SAMD5: variants seen among roughly 807,000 people sequenced by gnomAD.
SAMD5 encodes sterile alpha motif domain-containing protein 5.
In SAMD5, 13 loss-of-function variants were observed where a neutral mutation model predicts 11.3. The ratio of observed to expected loss-of-function variants is 1.15; its 90% CI spans 0.75 to 1.83. SAMD5 has a LOEUF of 1.83. SAMD5 is among the 40% of genes most tolerant of loss of function. The pLI is 0.00. For synonymous variants in SAMD5, 129 were observed against 111.3 expected, an observed-to-expected ratio of 1.16 and a Z score of -1.00; for missense variants, 255 against 239.1, an observed-to-expected ratio of 1.07 and a Z score of -0.44.
At chr6:147,559,958 A>T (rs766745814) in intron 1 of SAMD5, among the ~76,000 whole-genome samples, 31 of 152,328 alleles carry the variant, frequency 2.0e-4, no homozygotes, top group Non-Finnish European at 3.4e-4. Context: ...GATTGTTAAG[A>T]CACATATGGG....
At chr6:147,598,949 A>T (rs1379202358) in intron 1 of SAMD5, among the ~76,000 whole-genome samples, 1 of 152,218 alleles carries the variant, frequency 6.6e-6, no homozygotes, top group Non-Finnish European at 1.5e-5. Flanking sequence ...TCTGGGGAAC[A>T]CAGACATTTC....
intron 1 of SAMD5, among the ~76,000 whole-genome samples, chr6:147,638,111 C>T (rs777908734): frequency 1.8e-4 from 28 of 152,002 alleles, no homozygotes; most frequent in Non-Finnish European, 3.7e-4. Flanking sequence ...TTCTCTCTCT[C>T]TCTCCCTCCC....
At chr6:147,586,191 T>C (rs951837338) in intron 1 of SAMD5, among the ~76,000 whole-genome samples, 1 of 152,208 alleles carries the variant, frequency 6.6e-6, no homozygotes, top group African/African-American at 2.4e-5. Context: ...TTCACAGTGC[T>C]GCTGCTGCTT....
At chr6:147,894,126 A>ATTT in the SAMD5 span, among the ~76,000 whole-genome samples, 7 of 124,174 alleles carry the variant, frequency 5.6e-5, no homozygotes, top group African/African-American at 1.2e-4. Flanking sequence ...TTTGTTTTGT[A>ATTT]TTTTTTTTTT....
intron 1 of SAMD5, among the ~76,000 whole-genome samples, chr6:147,516,114 T>C (rs543985991): frequency 6.6e-6 from 1 of 152,270 alleles, no homozygotes; most frequent in South Asian, 2.1e-4. Flanking sequence ...ACAAAATAAA[T>C]TAGTTACTGT....
At chr6:147,852,038 A>T in the SAMD5 span, among the ~76,000 whole-genome samples, 1 of 152,274 alleles carries the variant, frequency 6.6e-6, no homozygotes, top group East Asian at 1.9e-4. Context: ...TATTAGTCAA[A>T]TATATTTTTC....
the SAMD5 span, among the ~76,000 whole-genome samples, chr6:147,869,638 A>G: frequency 2.6e-5 from 4 of 152,198 alleles, no homozygotes; most frequent in South Asian, 8.3e-4. Context: ...AAAAACAAAC[A>G]GGTGCAATTA....
At chr6:147,756,130 T>C in the SAMD5 span, among the ~76,000 whole-genome samples, 200 of 152,212 alleles carry the variant, frequency 1.3e-3, 1 homozygote, top group African/African-American at 4.3e-3. Context: ...AACGTCAAGT[T>C]TGAAAAAAAC....
chr6:147,546,255 C>T (rs760313296), intron 1 of SAMD5, among the ~76,000 whole-genome samples: 4 of 152,186 alleles, frequency 2.6e-5, no homozygotes, highest in South Asian at 2.1e-4. Flanking sequence ...CTGGGCTGGG[C>T]GCGGTGGCTC....
chr6:147,952,430 T>A, the SAMD5 span, among the ~76,000 whole-genome samples: 1 of 152,216 alleles, frequency 6.6e-6, no homozygotes, highest in Non-Finnish European at 1.5e-5. Context: ...TGTCAACACT[T>A]TGAACATACT....
At chr6:147,693,262 T>G (rs1791128944) in intron 1 of SAMD5, among the ~76,000 whole-genome samples, 1 of 152,348 alleles carries the variant, frequency 6.6e-6, no homozygotes, top group African/African-American at 2.4e-5. Flanking sequence ...TTTCAGTGTG[T>G]GTGCCCTTCT....
chr6:147,726,911 C>T (rs1026147906), intron 1 of SAMD5, among the ~76,000 whole-genome samples: 2 of 152,212 alleles, frequency 1.3e-5, no homozygotes, highest in African/African-American at 4.8e-5. Context: ...TCTGTCATTT[C>T]CTTTCACTTA....
rs538358817 is a variant in SAMD5, at chr6:147,620,303, T to C, written c.162+110916T>C. ...TCCATGGGATGATTCTTGTCTCTTC[T>C]GCTCACAGATTCTGGCCCCAGCCTT... On this transcript the variant is annotated intron_variant, in intron 1 of 1. Coordinates refer to the SAMD5 transcript ENST00000566741. Among the ~76,000 whole-genome samples the C allele has an allele frequency of 9.2e-5, 14 of 152,316 alleles. No homozygotes were observed. In the East Asian group the frequency reaches 1.9e-3, roughly 21 times the overall value.
chr6:147,924,583 T>G, the SAMD5 span, among the ~76,000 whole-genome samples: 1 of 151,990 alleles, frequency 6.6e-6, no homozygotes, highest in African/African-American at 2.4e-5. Context: ...GCTTATTTTT[T>G]CTAGCATTTA....
chr6:147,909,325 C>T, the SAMD5 span, among the ~76,000 whole-genome samples: 3 of 152,222 alleles, frequency 2.0e-5, no homozygotes, highest in African/African-American at 4.8e-5. Flanking sequence ...ACACTAAATT[C>T]GAGTCAGTAA....
intron 1 of SAMD5, among the ~76,000 whole-genome samples, chr6:147,613,129 T>A (rs1789810082): frequency 6.6e-6 from 1 of 150,376 alleles, no homozygotes; most frequent in South Asian, 2.1e-4. Flanking sequence ...CTAGCCTGGG[T>A]GACAGAGCAA....
At chr6:147,746,074 C>T in the SAMD5 span, among the ~76,000 whole-genome samples, 2 of 152,084 alleles carry the variant, frequency 1.3e-5, no homozygotes, top group South Asian at 2.1e-4. Flanking sequence ...AGCTTCATTT[C>T]GCCTGTAAAA....
At chr6:147,948,280 A>G in the SAMD5 span, among the ~76,000 whole-genome samples, 7 of 148,580 alleles carry the variant, frequency 4.7e-5, no homozygotes, top group East Asian at 2.0e-4. Context: ...CAAGGAGAGA[A>G]AAAAAAAAAA....
At chr6:147,839,409 CAG>C in the SAMD5 span, among the ~76,000 whole-genome samples, 1 of 152,108 alleles carries the variant, frequency 6.6e-6, no homozygotes, top group African/African-American at 2.4e-5. Context: ...ATCAGCATAT[CAG>C]AGTGTTATAT....
Sources: gnomAD v4.1 joint callset for allele counts (sites outside exome capture counted in the v4.1 genomes callset) on GRCh38, gnomAD v4.1.1 for gene constraint, MANE v1.5 for transcripts, NCBI Gene and HGNC (gene_info 2026-07-23, HGNC 2026-07-21) for gene names.